GRM1: variants seen among roughly 807,000 people sequenced by gnomAD.
GRM1 encodes the protein metabotropic glutamate receptor 1.
A neutral mutation model predicts 90.9 loss-of-function variants in GRM1; 33 were observed. The observed-to-expected ratio is 0.36, with a 90% CI of 0.28 to 0.49. The LOEUF (loss-of-function observed/expected upper bound fraction) is 0.49, where lower values mean the gene tolerates loss of function less well. GRM1 is among the 20% of genes least tolerant of loss of function. The probability of loss-of-function intolerance (pLI) is 0.99; values close to 1 mark genes in which losing one functional copy is unlikely to be tolerated. For synonymous variants in GRM1, 700 were observed against 613.2 expected (o/e 1.14, Z -2.09); for missense variants, 1,190 against 1,534.3 (o/e 0.78, Z 3.75).
At chr6:146,397,473 C>CAAAAAAAAAAAAAAAAAAAAAAAAAAAAA (rs1195779695) in intron 6 of GRM1, among the ~76,000 whole-genome samples, 3 of 16,762 alleles carry the variant, frequency 1.8e-4, no homozygotes, top group Non-Finnish European at 3.8e-4. Context: ...GACCCCGTCT[C>CAAAAAAAAAAAAAAAAAAAAAAAAAAAAA]AAAAAAAAAA....
At position 146,279,539 on chromosome 6, in the gene GRM1, A is replaced by G. The variant is rs1442598712; in HGVS notation, c.951-25072A>G. 6.6e-5 allele frequency among the ~76,000 whole-genome samples: 10 copies of G among 152,224 alleles called. No homozygotes were observed. The South Asian group carries it at 1.0e-3, about 16-fold the overall frequency. On this transcript the variant is annotated intron_variant, in intron 2 of 7. Transcript: ENST00000282753. ...TTATTATTCAGTTAAAAAATTTTCT[A>G]TTTACCTTTGACATTTGTTCTCTAA...
intron 5 of GRM1, among the ~76,000 whole-genome samples, chr6:146,374,674 C>T (rs1776029102): frequency 6.6e-6 from 1 of 152,008 alleles, no homozygotes; most frequent in Non-Finnish European, 1.5e-5. Flanking sequence ...TCATAGTAGC[C>T]AGTAATGATC....
chr6:146,240,805 A>G (rs564360393), intron 2 of GRM1, among the ~76,000 whole-genome samples: 2 of 152,266 alleles, frequency 1.3e-5, no homozygotes, highest in South Asian at 4.1e-4. Context: ...TTGAATATAA[A>G]TTACCTAAAA....
rs1186493997 is a variant in GRM1 at position 146,213,729 on chromosome 6, T to TAGAGAGATAGAG, written c.950+54135_950+54136insGAGATAGAGAGA. On this transcript the variant is annotated intron_variant, in intron 2 of 7. Transcript: ENST00000282753. ...ATAGATAGATAGATAGATAGATAGATAGATAGATGGATGAAAGGAGATTTA... is the reference window on the plus strand; with the variant it reads ...ATAGATAGATAGATAGATAGATAGATAGAGAGATAGAGAGATAGATGGATGAAAGGAGATTTA... Among the ~76,000 whole-genome samples the TAGAGAGATAGAG allele has an allele frequency of 3.2e-3, 481 of 151,914 alleles. 2 individuals are homozygous for TAGAGAGATAGAG. The highest frequency in any genetic ancestry group is 8.2e-3 in the African/African-American group (338 of 41,426).
At chr6:146,104,860 G>C (rs1777174661) in intron 1 of GRM1, among the ~76,000 whole-genome samples, 1 of 152,160 alleles carries the variant, frequency 6.6e-6, no homozygotes, top group African/African-American at 2.4e-5. Flanking sequence ...TACAAAGATG[G>C]GTTTAGTTAA....
chr6:146,033,004 C>T lies in GRM1; in HGVS notation c.700+2787C>T, dbSNP rs117893924. ...ACAATTTAGTTTTTATATTCTCTTA[C>T]ATTCTTTTCAATCTTATATCATATT... On this transcript the variant is annotated intron_variant, in intron 1 of 7. Coordinates refer to ENST00000282753, the MANE Select transcript of GRM1 (RefSeq NM_001278064.2). Among the ~76,000 whole-genome samples the T allele has an allele frequency of 4.0e-3, 612 of 152,000 alleles. 17 individuals are homozygous for T. The East Asian group carries it at 0.071, about 18-fold the overall frequency.
At chr6:146,131,876 A>G (rs940333896) in intron 1 of GRM1, among the ~76,000 whole-genome samples, 1 of 152,190 alleles carries the variant, frequency 6.6e-6, no homozygotes, top group East Asian at 1.9e-4. Flanking sequence ...GTGGTGAAGA[A>G]GCCAAGATAG....
At chr6:146,247,874 TATA>T (rs1232222229) in intron 2 of GRM1, among the ~76,000 whole-genome samples, 1 of 148,434 alleles carries the variant, frequency 6.7e-6, no homozygotes, top group Non-Finnish European at 1.5e-5. Flanking sequence ...TAATATATAT[TATA>T]ATATGTTACA....
At chr6:146,371,558 G>A (rs923264821) in intron 5 of GRM1, among the ~76,000 whole-genome samples, 2 of 151,964 alleles carry the variant, frequency 1.3e-5, no homozygotes, top group African/African-American at 4.8e-5. Context: ...CAAATAGTAG[G>A]TTTTATCCAT....
intron 3 of GRM1, among the ~76,000 whole-genome samples, chr6:146,308,785 T>C (rs1783671746): frequency 6.6e-6 from 1 of 151,890 alleles, no homozygotes; most frequent in Non-Finnish European, 1.5e-5. Flanking sequence ...TTCATCTTTC[T>C]CTATATAGTT....
chr6:146,145,538 A>T (rs911982703), intron 1 of GRM1, among the ~76,000 whole-genome samples: 12 of 152,168 alleles, frequency 7.9e-5, no homozygotes, highest in African/African-American at 2.9e-4. Flanking sequence ...CAGCTCTGGT[A>T]AATATAAGTT....
intron 1 of GRM1, among the ~76,000 whole-genome samples, chr6:146,051,410 G>A (rs1775284504): frequency 6.6e-6 from 1 of 151,990 alleles, no homozygotes; most frequent in Admixed American, 6.6e-5. Context: ...CTTTTTCAGA[G>A]ACCTACACTG....
chr6:146,305,743 C>G (rs112211259), intron 3 of GRM1, among the ~76,000 whole-genome samples: 8 of 152,074 alleles, frequency 5.3e-5, no homozygotes, highest in Non-Finnish European at 8.8e-5. Flanking sequence ...ATGTAGGCTA[C>G]GCAGATATTA....
chr6:146,191,586 C>G (rs1778936164), intron 2 of GRM1, among the ~76,000 whole-genome samples: 1 of 152,194 alleles, frequency 6.6e-6, no homozygotes, highest in Non-Finnish European at 1.5e-5. Flanking sequence ...TACAAGGGGT[C>G]ACACTTGACA....
intron 3 of GRM1, among the ~76,000 whole-genome samples, chr6:146,347,416 C>G (rs896997445): frequency 6.6e-6 from 1 of 152,132 alleles, no homozygotes; most frequent in Admixed American, 6.5e-5. Context: ...AAGAAGTAGA[C>G]CTAGGAATAT....
intron 1 of GRM1, among the ~76,000 whole-genome samples, chr6:146,081,243 G>A (rs1219220028): frequency 1.3e-5 from 2 of 152,080 alleles, no homozygotes; most frequent in African/African-American, 4.8e-5. Flanking sequence ...ATGGGGAAGG[G>A]TATACAGAAC....
At chr6:146,318,460 A>T in intron 3 of GRM1, among the ~76,000 whole-genome samples, 1 of 152,160 alleles carries the variant, frequency 6.6e-6, no homozygotes, top group Non-Finnish European at 1.5e-5. Flanking sequence ...GCTGCAATAA[A>T]CATACGTGTG....
intron 1 of GRM1, among the ~76,000 whole-genome samples, chr6:146,135,336 A>G (rs764999383): frequency 3.3e-5 from 5 of 152,204 alleles, no homozygotes; most frequent in African/African-American, 1.2e-4. Flanking sequence ...TAGATGGATG[A>G]CATCACTCCA....
At chr6:146,065,440 C>G (rs1052275584) in intron 1 of GRM1, among the ~76,000 whole-genome samples, 1 of 152,132 alleles carries the variant, frequency 6.6e-6, no homozygotes, top group Non-Finnish European at 1.5e-5. Flanking sequence ...TCTGTGCTTC[C>G]GTTTCTGAAT....
Sources: allele counts gnomAD v4.1 joint callset (sites outside exome capture counted in the v4.1 genomes callset), GRCh38; gene constraint gnomAD v4.1.1; transcripts MANE v1.5; gene names NCBI Gene and HGNC (gene_info 2026-07-23, HGNC 2026-07-21).